The following KCNC2 variants were observed in gnomAD, a reference collection of about 807,000 sequenced individuals.
The protein encoded by KCNC2 is potassium voltage-gated channel subfamily C member 2, also known as voltage-gated potassium channel KCNC2.
Under a neutral mutation model 44.5 loss-of-function variants are expected in KCNC2, and 21 were observed. The observed-to-expected ratio is 0.47, with a 90% CI of 0.33 to 0.68. The LOEUF (loss-of-function observed/expected upper bound fraction) is 0.68, where lower values mean the gene tolerates loss of function less well. Ranked by LOEUF, KCNC2 falls within the 30% of genes least tolerant of loss-of-function variation. KCNC2 has a pLI of 0.01. For missense variants in KCNC2, 589 were observed against 826.2 expected (o/e 0.71, Z 3.52); for synonymous variants, 391 against 339.1 (o/e 1.15, Z -1.68).
intron 2 of KCNC2, among the ~76,000 whole-genome samples, chr12:75,185,870 ACT>A (rs1270900006): frequency 4.6e-5 from 7 of 151,684 alleles, no homozygotes; most frequent in Admixed American, 4.6e-4. Flanking sequence ...ACATGGTGAA[ACT>A]CTGTCTGTAC....
rs1174804782 is a variant in KCNC2, at chr12:75,041,090, G to C, written c.*2015C>G. 6.3e-7 allele frequency: 1 copy of C among 1,594,338 alleles called. No individual in the cohort carries two copies. On this transcript the variant is annotated 3_prime_UTR_variant, in exon 5 of 5. Coordinates refer to ENST00000549446, the MANE Select transcript of KCNC2 (RefSeq NM_139137.4). ...CGAGGATCTCTTCCAAGTGCAACCT[G>C]GTCACATCAGGGCACATTCAGCAGC...
At chr12:75,115,867 T>C (rs1189123142) in intron 2 of KCNC2, among the ~76,000 whole-genome samples, 1 of 152,174 alleles carries the variant, frequency 6.6e-6, no homozygotes, top group East Asian at 1.9e-4. Context: ...ATTACAATAT[T>C]GTGCATACCT....
At chr12:75,190,928 A>T (rs1489772301) in intron 2 of KCNC2, among the ~76,000 whole-genome samples, 1 of 152,078 alleles carries the variant, frequency 6.6e-6, no homozygotes, top group East Asian at 1.9e-4. Flanking sequence ...TATCATTTAT[A>T]TATGGCATAT....
At chr12:75,046,537 A>G (rs1254211720) in intron 4 of KCNC2, among the ~76,000 whole-genome samples, 1 of 151,826 alleles carries the variant, frequency 6.6e-6, no homozygotes, top group African/African-American at 2.4e-5. Flanking sequence ...ATGTATATAC[A>G]TTGCATATAG....
At chr12:75,143,686 G>C (rs1201862781) in intron 2 of KCNC2, among the ~76,000 whole-genome samples, 1 of 152,072 alleles carries the variant, frequency 6.6e-6, no homozygotes. Flanking sequence ...TTTGATCCTG[G>C]ATTCTCATGT....
In KCNC2 at chr12:75,051,280, G is replaced by T; in HGVS notation, c.725C>A (p.Ser242Ter). ...TGTTTCCAGGCAAAAAGTTGTAATT[G>T]AAACCAGGATGAAGAATAAAGAAGC... ...AFASLFFILV[S>*]ITTFCLETHE... The change falls in exon 3 of 5, where the codon TCA becomes TAA. Residue 242 changes from serine to a stop codon, truncating the protein, a stop_gained. Coordinates refer to ENST00000549446, the MANE Select transcript of KCNC2 (RefSeq NM_139137.4). LOFTEE classifies it high-confidence loss of function. 6.3e-7 allele frequency: 1 copy of T among 1,599,034 alleles called. No homozygotes were observed. Among genetic ancestry groups the T allele is most frequent in the South Asian group, 1.1e-5 (1 of 89,832 alleles).
intron 2 of KCNC2, among the ~76,000 whole-genome samples, chr12:75,191,664 C>T (rs910666301): frequency 2.1e-4 from 32 of 149,410 alleles, no homozygotes; most frequent in Non-Finnish European, 4.3e-4. Context: ...CATTCTCCTG[C>T]CTCAGCCTCC....
At chr12:75,067,655 G>A (rs553421890) in intron 2 of KCNC2, among the ~76,000 whole-genome samples, 1 of 152,240 alleles carries the variant, frequency 6.6e-6, no homozygotes, top group African/African-American at 2.4e-5. Flanking sequence ...TGGCAGCACT[G>A]AAAATGGGTT....
chr12:75,182,386 G>A (rs1485874995), intron 2 of KCNC2, among the ~76,000 whole-genome samples: 3 of 151,604 alleles, frequency 2.0e-5, no homozygotes, highest in African/African-American at 7.3e-5. Context: ...AGCGGGGCGT[G>A]GTGGCGGGTG....
At chr12:75,090,878 C>A (rs1446899299) in intron 2 of KCNC2, among the ~76,000 whole-genome samples, 2 of 151,532 alleles carry the variant, frequency 1.3e-5, no homozygotes, top group East Asian at 1.9e-4. Context: ...TTAATAAAGA[C>A]CCTTATGTTT....
At chr12:75,134,134 C>T (rs1456205485) in intron 2 of KCNC2, among the ~76,000 whole-genome samples, 1 of 151,850 alleles carries the variant, frequency 6.6e-6, no homozygotes, top group Non-Finnish European at 1.5e-5. Flanking sequence ...TAAAATACAC[C>T]TGGGCAAATG....
At chr12:75,084,290 T>TAGATAGATAGATAGATGATAGATA (rs200893949) in intron 2 of KCNC2, among the ~76,000 whole-genome samples, 11 of 123,656 alleles carry the variant, frequency 8.9e-5, no homozygotes, top group African/African-American at 3.6e-4. Context: ...GATAGATAGA[T>TAGATAGATAGATAGATGATAGATA]GATAGATAGA....
chr12:75,204,897 C>A (rs1476451393), intron 2 of KCNC2, among the ~76,000 whole-genome samples: 1 of 152,056 alleles, frequency 6.6e-6, no homozygotes, highest in Non-Finnish European at 1.5e-5. Flanking sequence ...AAATATTAAA[C>A]CCTGACTGGT....
rs752685936 is a variant in KCNC2, at chr12:75,051,221, C to T, written c.784G>A (p.Glu262Lys). Residue 262 changes from glutamate to lysine, a missense_variant, in exon 3 of 5, where the codon GAA becomes AAA. Coordinates refer to ENST00000549446, the MANE Select transcript of KCNC2 (RefSeq NM_139137.4). ...EAFNIVKNKT[E>K]PVINGTSVVL... is the part of the protein sequence containing the mutation. ...ACACTTGTGCCATTGATGACTGGTT[C>T]TGTCTTGTTTTTAACAATATTGAAA... 6.2e-7 allele frequency: 1 copy of T among 1,612,536 alleles called. No homozygotes were observed. Among genetic ancestry groups the T allele is most frequent in the East Asian group, 2.2e-5 (1 of 44,780 alleles).
intron 2 of KCNC2, among the ~76,000 whole-genome samples, chr12:75,056,810 G>C (rs1881790464): frequency 6.6e-6 from 1 of 151,924 alleles, no homozygotes; most frequent in African/African-American, 2.4e-5. Flanking sequence ...ACTGCAACAT[G>C]TACTTACATG....
At chr12:75,113,506 C>T (rs1377035447) in intron 2 of KCNC2, among the ~76,000 whole-genome samples, 1 of 152,094 alleles carries the variant, frequency 6.6e-6, no homozygotes, top group African/African-American at 2.4e-5. Flanking sequence ...AATATTCTTA[C>T]ATGTAGGTTT....
rs1253304945 is a variant in KCNC2 at position 75,041,489 on chromosome 12, G to A, written c.*1616C>T. The A allele has an allele frequency of 1.7e-6, 2 of 1,198,250 alleles. No homozygotes were observed. Among genetic ancestry groups the A allele is most frequent in the Non-Finnish European group, 2.1e-6 (2 of 955,236 alleles). 74.2% of individuals were successfully genotyped at this position (1,198,250 alleles called of 1,614,324 possible). On this transcript the variant is annotated 3_prime_UTR_variant, in exon 5 of 5. Coordinates refer to ENST00000549446, the MANE Select transcript of KCNC2 (RefSeq NM_139137.4). ...CATGAGAAATAGGAATTAATCAGCAGTCTCAAGGCTCCCAAATGCCTTAGT... is the reference window on the plus strand; with the variant it reads ...CATGAGAAATAGGAATTAATCAGCAATCTCAAGGCTCCCAAATGCCTTAGT...
At chr12:75,117,762 A>G (rs889885831) in intron 2 of KCNC2, among the ~76,000 whole-genome samples, 1 of 152,122 alleles carries the variant, frequency 6.6e-6, no homozygotes, top group African/African-American at 2.4e-5. Context: ...TTATAATGGC[A>G]TGTAAATATG....
At chr12:75,084,218 G>A (rs950056985) in intron 2 of KCNC2, among the ~76,000 whole-genome samples, 11 of 68,028 alleles carry the variant, frequency 1.6e-4, no homozygotes, top group African/African-American at 6.0e-4. Flanking sequence ...TCATAATCTA[G>A]TTGATGATAG....
Sources: allele counts gnomAD v4.1 joint callset (sites outside exome capture counted in the v4.1 genomes callset), GRCh38; gene constraint gnomAD v4.1.1; transcripts MANE v1.5; gene names NCBI Gene and HGNC (gene_info 2026-07-23, HGNC 2026-07-21).